BCR: variants seen among roughly 807,000 people sequenced by gnomAD.
BCR encodes the protein BCR activator of RhoGEF and GTPase.
Under a neutral mutation model 138.6 loss-of-function variants are expected in BCR, and 58 were observed. The observed-to-expected ratio is 0.42, with a 90% CI of 0.34 to 0.52. The LOEUF (loss-of-function observed/expected upper bound fraction) is 0.52. Among genes scored for constraint, BCR ranks in the 20% least tolerant of loss-of-function variants. The pLI, the probability that BCR is intolerant of heterozygous loss-of-function variation, is 0.06. For missense variants in BCR, 1,599 were observed against 1,727.2 expected (o/e 0.93, Z 1.32); for synonymous variants, 786 against 730.1 (o/e 1.08, Z -1.23).
In BCR at chr22:23,263,650, G is replaced by A. The variant is rs1485543902; in HGVS notation, c.1752+2110G>A. ...GCTGGCCACCTCGCATATTGTCAGT[G>A]CAGGAGGAGATGGGAAGATTGGCCT... On this transcript the variant is annotated intron_variant, in intron 4 of 22. Transcript: ENST00000305877. 4 of 1,466,322 alleles carry A rather than the reference G, an allele frequency of 2.7e-6. No individual in the cohort carries two copies. In the East Asian group the frequency reaches 6.8e-5, roughly 25 times the overall value. 90.8% of individuals were successfully genotyped at this position (1,466,322 alleles called of 1,614,324 possible).
chr22:23,264,579 C>T (rs2073415461), intron 4 of BCR: 1 of 433,130 alleles, frequency 2.3e-6, no homozygotes, highest in Non-Finnish European at 4.2e-6. Context: ...GAGGCAGGAC[C>T]TGCTGCTTTA....
At chr22:23,257,689 A>G (rs1275285307) in intron 2 of BCR, among the ~76,000 whole-genome samples, 1 of 152,166 alleles carries the variant, frequency 6.6e-6, no homozygotes, top group East Asian at 1.9e-4. Context: ...ATGGGCAGAG[A>G]GGGGGTGTCA....
At chr22:23,215,580 T>C (rs1380384907) in intron 1 of BCR, among the ~76,000 whole-genome samples, 1 of 152,218 alleles carries the variant, frequency 6.6e-6, no homozygotes, top group Non-Finnish European at 1.5e-5. Context: ...GCCTCAGATA[T>C]GGTTCAGGGA....
At chr22:23,231,297 C>T (rs559531744) in intron 1 of BCR, among the ~76,000 whole-genome samples, 190 of 152,050 alleles carry the variant, frequency 1.2e-3, no homozygotes, top group African/African-American at 4.5e-3. Flanking sequence ...CACTTGAGGC[C>T]AGGAGTTTGA....
chr22:23,200,313 G>A (rs1383050871), intron 1 of BCR, among the ~76,000 whole-genome samples: 5 of 152,006 alleles, frequency 3.3e-5, no homozygotes, highest in African/African-American at 7.3e-5. Flanking sequence ...AGCTCAAAGC[G>A]GGCTTTTTAT....
intron 2 of BCR, among the ~76,000 whole-genome samples, chr22:23,259,617 G>A (rs1323693520): frequency 6.6e-6 from 1 of 151,666 alleles, no homozygotes; most frequent in East Asian, 1.9e-4. Context: ...CCTGTGTTCA[G>A]GCAATTCTCC....
chr22:23,283,034 T>C (rs2073666278), intron 8 of BCR, among the ~76,000 whole-genome samples: 1 of 152,212 alleles, frequency 6.6e-6, no homozygotes, highest in Non-Finnish European at 1.5e-5. Flanking sequence ...ATTCAGGCGA[T>C]GTGCTCGTGC....
chr22:23,294,892 G>C, intron 15 of BCR, 132 bp from the exon 16 acceptor site: 1 of 1,159,430 alleles, frequency 8.6e-7, no homozygotes. Flanking sequence ...AGGACTAAGG[G>C]AGGAGGGTCT....
chr22:23,215,675 G>A (rs2072743646), intron 1 of BCR, among the ~76,000 whole-genome samples: 2 of 152,206 alleles, frequency 1.3e-5, no homozygotes, highest in Non-Finnish European at 2.9e-5. Context: ...AACAGTCAGT[G>A]ATGAAGGCAG....
At chr22:23,182,380 C>A in intron 1 of BCR, 141 bp downstream of exon 1, 1 of 1,014,160 alleles carries the variant, frequency 9.9e-7, no homozygotes, top group Non-Finnish European at 1.4e-6. Context: ...TCACGCGGAT[C>A]CTGCACCCGA....
intron 1 of BCR, among the ~76,000 whole-genome samples, chr22:23,202,007 G>A (rs2072558781): frequency 6.6e-6 from 1 of 152,198 alleles, no homozygotes; most frequent in Non-Finnish European, 1.5e-5. Flanking sequence ...GTAGTTGGGT[G>A]TCCGGCCTTA....
chr22:23,182,452 T>G, intron 1 of BCR, among the ~76,000 whole-genome samples: 1 of 152,196 alleles, frequency 6.6e-6, no homozygotes, highest in Non-Finnish European at 1.5e-5. Flanking sequence ...TGGAATTGGG[T>G]TGAGGATGGT....
At position 23,187,250 on chromosome 22, in the gene BCR, A is replaced by T. The variant is rs190611263; in HGVS notation, c.1279+5011A>T. Among the ~76,000 whole-genome samples the T allele has an allele frequency of 3.4e-3, 448 of 132,080 alleles. 4 individuals carry two copies. The highest frequency in any genetic ancestry group is 0.012 in the African/African-American group (422 of 35,850). The allele number at this position is 132,080 out of a possible 152,430, so 86.6% of individuals were successfully genotyped here. ...CATCCCTGTAGTTTACTTTCTGAGG[A>T]TCTTTTTTTTTTAAGTGGCTTAAAA... On this transcript the variant is annotated intron_variant, in intron 1 of 22. Coordinates refer to ENST00000305877, the MANE Select transcript of BCR (RefSeq NM_004327.4).
Position 23,225,660 on chromosome 22 carries a change from A to T in BCR, c.1280-28139A>T, listed in dbSNP as rs553394311. ...TGACACCGAGGTTTATTCGCAATGCACTTCAGCAGATAGGGTGATGGGGTA... is the reference window on the plus strand; with the variant it reads ...TGACACCGAGGTTTATTCGCAATGCTCTTCAGCAGATAGGGTGATGGGGTA... On this transcript the variant is annotated intron_variant, in intron 1 of 22. Transcript: ENST00000305877. Among the ~76,000 whole-genome samples, 89 of 152,212 alleles carry T rather than the reference A, an allele frequency of 5.8e-4. 1 individual carries two copies. The highest frequency in any genetic ancestry group is 1.1e-3 in the Non-Finnish European group (75 of 68,036).
chr22:23,223,635 A>T (rs1448853669), intron 1 of BCR, among the ~76,000 whole-genome samples: 2 of 152,188 alleles, frequency 1.3e-5, no homozygotes, highest in African/African-American at 4.8e-5. Context: ...TCAGGCAGGC[A>T]GCAGAGGCCT....
intron 1 of BCR, among the ~76,000 whole-genome samples, chr22:23,234,113 G>A (rs1317061969): frequency 6.6e-6 from 1 of 152,172 alleles, no homozygotes; most frequent in Non-Finnish European, 1.5e-5. Flanking sequence ...GAGACCATGT[G>A]CAGCTGGACT....
Position 23,181,881 on chromosome 22 carries a change from G to C in BCR, c.921G>C (p.Lys307Asn). Residue 307 changes from lysine to asparagine, a missense_variant, in exon 1 of 23, where the codon AAG becomes AAC. By Grantham distance (94) the Lys-to-Asn change is moderately conservative. Around this residue, in one of 4 missense-constraint regions of BCR, gnomAD observed 806 missense variants for 635.0 expected, o/e 1.27. Coordinates refer to ENST00000305877, the MANE Select transcript of BCR (RefSeq NM_004327.4). ...LRSQSTSEQE[K>N]RLTWPRRSYS... ...GCCAGAGCACCTCTGAGCAGGAGAA[G>C]CGCCTTACCTGGCCCCGCAGGTCCT... 1 of 1,613,336 alleles carries C rather than the reference G, an allele frequency of 6.2e-7. No individual in the cohort carries two copies. Among genetic ancestry groups the C allele is most frequent in the South Asian group, 1.1e-5 (1 of 91,084 alleles).
chr22:23,295,673 A>G (rs576104417), intron 16 of BCR, among the ~76,000 whole-genome samples: 74 of 152,256 alleles, frequency 4.9e-4, no homozygotes, highest in Non-Finnish European at 5.4e-4. Flanking sequence ...CTAATCTGGA[A>G]GCCCCCAGGT....
At chr22:23,199,305 G>T (rs188414474) in intron 1 of BCR, 34 of 518,898 alleles carry the variant, frequency 6.6e-5, no homozygotes, top group African/African-American at 5.6e-4. Context: ...AAGCATCGGA[G>T]ACTGGGTCCC....
Sources: gnomAD v4.1 joint callset for allele counts (sites outside exome capture counted in the v4.1 genomes callset) on GRCh38, gnomAD v4.1.1 for gene constraint, gnomAD v4.1.1 regional missense constraint, MANE v1.5 for transcripts, NCBI Gene and HGNC (gene_info 2026-07-23, HGNC 2026-07-21) for gene names.